The following MPHOSPH9 variants were observed in gnomAD, a reference collection of about 807,000 sequenced individuals.
MPHOSPH9 encodes M-phase phosphoprotein 9.
A neutral mutation model predicts 145.5 loss-of-function variants in MPHOSPH9; 88 were observed. The observed-to-expected ratio is 0.60, with a 90% confidence interval of 0.51 to 0.72. The LOEUF (loss-of-function observed/expected upper bound fraction) is 0.72. MPHOSPH9 is among the 30% of genes least tolerant of loss of function. MPHOSPH9 has a pLI of 0.00. For synonymous variants in MPHOSPH9, 435 were observed against 486.2 expected, an observed-to-expected ratio of 0.89 and a Z score of 1.39; for missense variants, 1,238 against 1,386.6, an observed-to-expected ratio of 0.89 and a Z score of 1.70.
chr12:123,162,907 G>T, intron 20 of MPHOSPH9, 107 bp downstream of exon 20: 1 of 1,082,588 alleles, frequency 9.2e-7, no homozygotes, highest in African/African-American at 1.7e-5. Flanking sequence ...AATTCACAGA[G>T]TTCCCACTGG....
In MPHOSPH9 at chr12:123,187,820, T is replaced by G. The variant is rs1415150228; in HGVS notation, c.2241+6566A>C. Among the ~76,000 whole-genome samples, 4 of 152,184 alleles carry G rather than the reference T, an allele frequency of 2.6e-5. No individual in the cohort carries two copies. The East Asian group carries it at 5.8e-4, about 22-fold the overall frequency. On this transcript the variant is annotated intron_variant, in intron 13 of 23. Coordinates refer to ENST00000606320, the MANE Select transcript of MPHOSPH9 (RefSeq NM_022782.4). ...TCAAGTTCAATTCCTACTCATACCA[T>G]ATATTACGTAAGAGGTAATTCTGGG...
At position 123,221,504 on chromosome 12, in the gene MPHOSPH9, T is replaced by G; in HGVS notation, c.740A>C (p.Asn247Thr). ...ESLVDGVKNE[N>T]FYIQTPEECH... is the part of the protein sequence containing the mutation. Reference sequence around the variant, plus strand: ...CTCTTCAGGAGTCTGTATATAAAAATTCTCATTTTTCACACCATCTACAAG... The same window carrying G: ...CTCTTCAGGAGTCTGTATATAAAAAGTCTCATTTTTCACACCATCTACAAG... The change falls in exon 5 of 24, where the codon AAT becomes ACT. Residue 247 changes from asparagine to threonine, a missense_variant. Coordinates refer to ENST00000606320, the MANE Select transcript of MPHOSPH9 (RefSeq NM_022782.4). The G allele has an allele frequency of 2.5e-6, 4 of 1,614,164 alleles. No individual in the cohort carries two copies. Among genetic ancestry groups the G allele is most frequent in the Non-Finnish European group, 3.4e-6 (4 of 1,180,016 alleles).
At chr12:123,158,511 C>T (rs1460141336) in intron 23 of MPHOSPH9, among the ~76,000 whole-genome samples, 1 of 152,140 alleles carries the variant, frequency 6.6e-6, no homozygotes, top group Non-Finnish European at 1.5e-5. Flanking sequence ...GGGGCTGAGG[C>T]CTCAGAGGTC....
chr12:123,222,041 A>C, intron 4 of MPHOSPH9, 146 bp from the exon 5 acceptor site: 3 of 643,248 alleles, frequency 4.7e-6, no homozygotes, highest in Non-Finnish European at 7.6e-6. Flanking sequence ...TATAAACAAA[A>C]TTGAGGCTGG....
intron 13 of MPHOSPH9, among the ~76,000 whole-genome samples, chr12:123,188,657 G>A (rs1287539839): frequency 6.6e-6 from 1 of 152,104 alleles, no homozygotes; most frequent in Non-Finnish European, 1.5e-5. Flanking sequence ...AGACCACCCT[G>A]GCAAAAACTG....
At chr12:123,225,571 G>T (rs1300850393) in intron 3 of MPHOSPH9, among the ~76,000 whole-genome samples, 1 of 144,638 alleles carries the variant, frequency 6.9e-6, no homozygotes, top group African/African-American at 2.6e-5. Flanking sequence ...GAGAGGAGAG[G>T]TGGGGCAGGG....
intron 6 of MPHOSPH9, 84 bp from the exon 7 acceptor site, chr12:123,214,918 A>C (rs1212376031): frequency 1.8e-6 from 2 of 1,134,638 alleles, no homozygotes; most frequent in Non-Finnish European, 2.6e-6. Context: ...CAGGCCTCAA[A>C]CCAGGTGGGG....
chr12:123,166,377 ATTAC>A, intron 17 of MPHOSPH9: 1 of 392,056 alleles, frequency 2.6e-6, no homozygotes, highest in Non-Finnish European at 4.5e-6. Flanking sequence ...AAGTGTTGGG[ATTAC>A]AGGCGTGAGC....
In MPHOSPH9 at chr12:123,192,490, T is replaced by C. The variant is rs115162153; in HGVS notation, c.2241+1896A>G. ...AAAAAGTTAAATAATTGTCAGGGCA[T>C]AGTGGCATGTGCCTATGGTCCTAGC... is the stretch of plus-strand genomic sequence containing the variant. On this transcript the variant is annotated intron_variant, in intron 13 of 23. Transcript: ENST00000606320. 7.8e-3 allele frequency among the ~76,000 whole-genome samples: 1,156 copies of C among 148,712 alleles called. 19 individuals are homozygous for C. Among genetic ancestry groups the C allele is most frequent in the African/African-American group, 0.026 (1,063 of 40,430 alleles).
At chr12:123,171,873 T>C (rs970940479) in intron 16 of MPHOSPH9, among the ~76,000 whole-genome samples, 4 of 152,188 alleles carry the variant, frequency 2.6e-5, no homozygotes, top group Admixed American at 6.6e-5. Context: ...TTCTTTAAAT[T>C]AAGAGTAGAA....
Position 123,202,756 on chromosome 12 carries a change from T to C in MPHOSPH9, c.1649A>G (p.Asn550Ser), listed in dbSNP as rs1378812042. 6.2e-6 allele frequency: 10 copies of C among 1,614,192 alleles called. No homozygotes were observed. Among genetic ancestry groups the C allele is most frequent in the Non-Finnish European group, 8.5e-6 (10 of 1,180,026 alleles). Residue 550 changes from asparagine (N) to serine (S), a missense_variant, in exon 10 of 24, where the codon AAC becomes AGC. By Grantham distance (46) the Asn-to-Ser change is conservative. This residue lies in a region of MPHOSPH9 where 837 missense variants were observed against 897.5 expected (regional missense o/e 0.93). Coordinates refer to ENST00000606320, the MANE Select transcript of MPHOSPH9 (RefSeq NM_022782.4). Reference protein sequence around the residue: ...YTITSNDISVNTVDEENTVMV... With the variant: ...YTITSNDISVSTVDEENTVMV... The stretch of plus-strand genomic sequence containing the variant: ...GACAGTGTTTTCTTCATCTACAGTG[T>C]TGACCGAGATATCATTACTAGTAAT...
rs1481164802 is a variant in MPHOSPH9, at chr12:123,166,798, A to G, written c.2457-9T>C. 1 of 1,609,730 alleles carries G rather than the reference A, an allele frequency of 6.2e-7. No individual in the cohort carries two copies. Among genetic ancestry groups the G allele is most frequent in the South Asian group, 1.1e-5 (1 of 90,372 alleles). On this transcript the variant is annotated splice_polypyrimidine_tract_variant and intron_variant, in intron 16 of 23. Coordinates refer to ENST00000606320, the MANE Select transcript of MPHOSPH9 (RefSeq NM_022782.4). ...CTGAAGTTGCTAGTGTGCTATTAGAATGAAAACGGTCAGGCATTATAAAGG... is the reference window on the plus strand; with the variant it reads ...CTGAAGTTGCTAGTGTGCTATTAGAGTGAAAACGGTCAGGCATTATAAAGG...
intron 17 of MPHOSPH9, among the ~76,000 whole-genome samples, chr12:123,165,822 G>C (rs1442865976): frequency 1.3e-5 from 2 of 152,198 alleles, no homozygotes; most frequent in East Asian, 3.9e-4. Flanking sequence ...AGAAATGTGT[G>C]TTGTTTATGC....
chr12:123,235,217 A>G (rs2047825840), upstream of MPHOSPH9, among the ~76,000 whole-genome samples: 1 of 152,234 alleles, frequency 6.6e-6, no homozygotes, highest in Non-Finnish European at 1.5e-5. Context: ...AGGTAGTAGT[A>G]TCTCCATTCT....
rs2047061728 is a variant in MPHOSPH9 at position 123,218,455 on chromosome 12, G to T, written c.917C>A (p.Pro306Gln). The T allele has an allele frequency of 6.2e-7, 1 of 1,613,626 alleles. No homozygotes were observed. Among genetic ancestry groups the T allele is most frequent in the Admixed American group, 1.7e-5 (1 of 59,936 alleles). The stretch of plus-strand genomic sequence containing the variant: ...TCCATCTTCTACATGTGCTCTCTTT[G>T]GTTGGTTCTGCTTCAGTTTTTGTGC... The part of the protein sequence containing the change: ...SWAQKLKQNQ[P>Q]KRAHVEDGGS... Residue 306 changes from proline to glutamine, a missense_variant, in exon 6 of 24, where the codon CCA (proline) becomes CAA (glutamine). Pro to Gln is a moderately conservative substitution (Grantham distance 76). Coordinates refer to ENST00000606320, the MANE Select transcript of MPHOSPH9 (RefSeq NM_022782.4).
Position 123,166,661 on chromosome 12 carries a change from C to T in MPHOSPH9, c.2585G>A (p.Ser862Asn). Reference sequence around the variant, plus strand: ...TTTAGCAAAGTTATCTCACCCTAGGCTACAGGTTTCCTCCAGCTGGTTATC... The same window carrying T: ...TTTAGCAAAGTTATCTCACCCTAGGTTACAGGTTTCCTCCAGCTGGTTATC... ...NVDNQLEETC[S>N]LGHRSPLEKD... Residue 862 changes from serine to asparagine, a missense_variant, in exon 17 of 24, where the codon AGC becomes AAC. Physicochemically the swap from Ser to Asn is conservative, Grantham distance 46. Transcript: ENST00000606320. 2 of 1,612,878 alleles carry T rather than the reference C, an allele frequency of 1.2e-6. No homozygotes were observed. The highest frequency in any genetic ancestry group is 4.5e-5 in the East Asian group (2 of 44,862).
chr12:123,215,697 A>T (rs1316800710), intron 6 of MPHOSPH9, among the ~76,000 whole-genome samples: 1 of 152,198 alleles, frequency 6.6e-6, no homozygotes, highest in Non-Finnish European at 1.5e-5. Context: ...TGTCGCAAGA[A>T]ATGTGTTTCC....
intron 1 of MPHOSPH9, among the ~76,000 whole-genome samples, chr12:123,231,790 AG>A (rs1471478597): frequency 6.6e-6 from 1 of 151,912 alleles, no homozygotes; most frequent in Non-Finnish European, 1.5e-5. Context: ...TGGCTGTAAC[AG>A]GTCAAACAAG....
rs536998218 is a variant in MPHOSPH9 at position 123,222,990 on chromosome 12, G to T, written c.348+48C>A. ...TGTGTGTGTGTGTGTGTATATGTAC[G>T]TATGTATATGTATATAAAAAAAGGA... On this transcript the variant is annotated intron_variant, in intron 4 of 23. Coordinates refer to ENST00000606320, the MANE Select transcript of MPHOSPH9 (RefSeq NM_022782.4). The T allele has an allele frequency of 2.8e-5, 27 of 954,172 alleles. No individual in the cohort carries two copies. The African/African-American group carries it at 3.7e-4, about 13-fold the overall frequency. The allele number at this position is 954,172 out of a possible 1,614,324, so 59.1% of individuals were successfully genotyped here.
Sources: allele counts gnomAD v4.1 joint callset (sites outside exome capture counted in the v4.1 genomes callset), GRCh38; gene constraint gnomAD v4.1.1; regional missense constraint gnomAD v4.1.1; transcripts MANE v1.5; gene names NCBI Gene and HGNC (gene_info 2026-07-23, HGNC 2026-07-21).